MRPS6: variants seen among roughly 807,000 people sequenced by gnomAD.
MRPS6 encodes small ribosomal subunit protein bS6m.
In MRPS6, 6 loss-of-function variants were observed where a neutral mutation model predicts 13.1. The ratio of observed to expected loss-of-function variants is 0.46; its 90% CI spans 0.25 to 0.91. The LOEUF (loss-of-function observed/expected upper bound fraction) is 0.91. Ranked by LOEUF, MRPS6 falls within the 40% of genes least tolerant of loss-of-function variation. The pLI is 0.18. For missense variants in MRPS6, 164 were observed against 155.6 expected, an observed-to-expected ratio of 1.05 and a Z score of -0.29; for synonymous variants, 61 against 56.5, an observed-to-expected ratio of 1.08 and a Z score of -0.36.
At chr21:34,141,118 C>T (rs2123279839) in intron 2 of MRPS6, among the ~76,000 whole-genome samples, 1 of 152,340 alleles carries the variant, frequency 6.6e-6, no homozygotes, top group Admixed American at 6.5e-5. Flanking sequence ...CCTGTGAGAG[C>T]TCCACATTTC....
At chr21:34,102,592 GACTTAA>G (rs1468713726) in intron 1 of MRPS6, 6 of 999,966 alleles carry the variant, frequency 6.0e-6, no homozygotes, top group African/African-American at 3.5e-5. Flanking sequence ...TGAGGCTATT[GACTTAA>G]ACCAATAACT....
intron 1 of MRPS6, chr21:34,100,544 A>T: frequency 4.0e-6 from 4 of 1,000,236 alleles, no homozygotes; most frequent in Non-Finnish European, 4.8e-6. Flanking sequence ...GGCTCAAAGG[A>T]TCCATTGTAT....
chr21:34,102,715 C>T, intron 1 of MRPS6: 1 of 1,000,118 alleles, frequency 1.0e-6, no homozygotes, highest in African/African-American at 1.7e-5. Context: ...CAAATCAAGA[C>T]AAAACACAGT....
Position 34,096,503 on chromosome 21 carries a change from C to T in MRPS6, c.45+22758C>T, listed in dbSNP as rs1978971819. The T allele has an allele frequency of 6.2e-7, 1 of 1,614,094 alleles. No individual in the cohort carries two copies. On this transcript the variant is annotated intron_variant, in intron 1 of 2. Coordinates refer to ENST00000399312, the MANE Select transcript of MRPS6 (RefSeq NM_032476.4). This position sits in a 1 kb window ranked among gnomAD's most constrained non-coding sequence, Gnocchi z 5.9. ...CAATCATCGTGGAGATGCAAGGAGG[C>T]CAGATGTACCTTTACATTCAGGAGG...
intron 1 of MRPS6, among the ~76,000 whole-genome samples, chr21:34,093,049 A>G (rs1462171909): frequency 6.6e-6 from 1 of 152,116 alleles, no homozygotes; most frequent in Admixed American, 6.5e-5. Flanking sequence ...ATTTAACGAT[A>G]CCTTTTTAAA....
At chr21:34,086,379 G>A (rs752137687) in intron 1 of MRPS6, among the ~76,000 whole-genome samples, 24 of 152,142 alleles carry the variant, frequency 1.6e-4, no homozygotes, top group Non-Finnish European at 4.4e-5. Context: ...CCTTTCTCCT[G>A]AAAATTGTAG....
At chr21:34,087,965 A>G (rs1001520734) in intron 1 of MRPS6, among the ~76,000 whole-genome samples, 1 of 152,228 alleles carries the variant, frequency 6.6e-6, no homozygotes, top group African/African-American at 2.4e-5. Context: ...GGACTGAGCA[A>G]TAGTGAGGAT....
At chr21:34,131,863 C>T (rs113227560) in intron 2 of MRPS6, among the ~76,000 whole-genome samples, 1,760 of 152,280 alleles carry the variant, frequency 0.012, 38 homozygotes, top group South Asian at 0.081. Context: ...TGCAGCAGCT[C>T]GTACAGCCTC....
intron 1 of MRPS6, chr21:34,105,725 T>C: frequency 1.0e-6 from 1 of 998,368 alleles, no homozygotes; most frequent in Non-Finnish European, 1.2e-6. Context: ...ATTTCCAGTT[T>C]ACCTTCTGTT....
intron 2 of MRPS6, among the ~76,000 whole-genome samples, chr21:34,138,931 C>A: frequency 1.3e-5 from 2 of 151,390 alleles, no homozygotes; most frequent in Admixed American, 6.6e-5. Context: ...AGACTTGGAA[C>A]CAACCCAAAT....
At chr21:34,082,747 T>TC (rs922492975) in intron 1 of MRPS6, among the ~76,000 whole-genome samples, 7 of 152,054 alleles carry the variant, frequency 4.6e-5, no homozygotes, top group Non-Finnish European at 1.0e-4. Context: ...GTCTTTTTTT[T>TC]CACTCCCACT....
At chr21:34,122,941 C>T (rs1980171088) in intron 1 of MRPS6, 1 of 152,194 alleles carries the variant, frequency 6.6e-6, no homozygotes. Context: ...ATGATTAGAA[C>T]TGTCTAGGAA....
chr21:34,079,191 G>A (rs1217665402), intron 1 of MRPS6, among the ~76,000 whole-genome samples: 3 of 151,978 alleles, frequency 2.0e-5, no homozygotes, highest in African/African-American at 7.2e-5. Flanking sequence ...GAATAGGTGG[G>A]GAAAAAAACA....
chr21:34,118,337 G>T (rs1980000898), intron 1 of MRPS6, among the ~76,000 whole-genome samples: 1 of 151,950 alleles, frequency 6.6e-6, no homozygotes, highest in Non-Finnish European at 1.5e-5. Context: ...TAGAGAAAAA[G>T]CAAGTTTTTT....
chr21:34,112,345 T>C (rs770130130), intron 1 of MRPS6, among the ~76,000 whole-genome samples: 2 of 152,170 alleles, frequency 1.3e-5, no homozygotes, highest in Non-Finnish European at 2.9e-5. Context: ...TAATTACACT[T>C]GCAAGATGTA....
At chr21:34,103,285 C>G in intron 1 of MRPS6, 1 of 985,364 alleles carries the variant, frequency 1.0e-6, no homozygotes, top group Non-Finnish European at 1.2e-6. Flanking sequence ...TGTTATTCCT[C>G]TTAAATTTTG....
At chr21:34,105,604 T>C (rs1260010442) in intron 1 of MRPS6, 1 of 999,952 alleles carries the variant, frequency 1.0e-6, no homozygotes, top group Non-Finnish European at 1.2e-6. Flanking sequence ...ACTGGGGGTG[T>C]ATATTGTGTA....
At chr21:34,120,077 T>C (rs567812988) in intron 1 of MRPS6, among the ~76,000 whole-genome samples, 2 of 152,334 alleles carry the variant, frequency 1.3e-5, no homozygotes, top group Middle Eastern at 3.4e-3. Context: ...TACGTTAGCA[T>C]GAATCTAGTC....
At chr21:34,093,109 C>T (rs539264530) in intron 1 of MRPS6, among the ~76,000 whole-genome samples, 3 of 152,194 alleles carry the variant, frequency 2.0e-5, no homozygotes, top group Admixed American at 1.3e-4. Context: ...TTAGATGATT[C>T]GTCCTACATA....
Sources: gnomAD v4.1 joint callset for allele counts (sites outside exome capture counted in the v4.1 genomes callset) on GRCh38, gnomAD v4.1.1 for gene constraint, Gnocchi (gnomAD v3.1) non-coding constraint, MANE v1.5 for transcripts, NCBI Gene and HGNC (gene_info 2026-07-23, HGNC 2026-07-21) for gene names.